The following PLS1 variants were observed in gnomAD, a reference collection of about 807,000 sequenced individuals.
PLS1 encodes the protein plastin 1, also known as plastin-1.
PLS1 carries 32 observed loss-of-function variants against 73.7 expected under a neutral mutation model. The observed-to-expected ratio is 0.43, with a 90% CI of 0.33 to 0.58. The LOEUF (loss-of-function observed/expected upper bound fraction) is 0.58, where lower values mean the gene tolerates loss of function less well. Among genes scored for constraint, PLS1 ranks in the 20% least tolerant of loss-of-function variants. The pLI is 0.04. For missense variants in PLS1, 633 were observed against 740.5 expected (o/e 0.85, Z 1.68); for synonymous variants, 217 against 261.3 (o/e 0.83, Z 1.63).
At chr3:142,697,026 A>G (rs2038224930) in intron 11 of PLS1, among the ~76,000 whole-genome samples, 1 of 152,138 alleles carries the variant, frequency 6.6e-6, no homozygotes, top group African/African-American at 2.4e-5. Flanking sequence ...CCTTAGCGAA[A>G]CATAACTTAT....
At chr3:142,661,436 G>A (rs1193211936) in intron 1 of PLS1, among the ~76,000 whole-genome samples, 4 of 152,018 alleles carry the variant, frequency 2.6e-5, no homozygotes, top group Non-Finnish European at 5.9e-5. Context: ...TTAGAACCAG[G>A]CCCCAGAAAA....
At chr3:142,620,075 C>T (rs895097795) in intron 1 of PLS1, among the ~76,000 whole-genome samples, 4 of 152,076 alleles carry the variant, frequency 2.6e-5, no homozygotes, top group Non-Finnish European at 5.9e-5. Flanking sequence ...TGCTGTCATT[C>T]TCAGGGGTCA....
chr3:142,680,973 A>G (rs985350396), intron 6 of PLS1, among the ~76,000 whole-genome samples: 1 of 152,164 alleles, frequency 6.6e-6, no homozygotes, highest in Non-Finnish European at 1.5e-5. Context: ...AGCTATTAAA[A>G]TTCAGCTACT....
Position 142,709,568 on chromosome 3 carries a change from C to T in PLS1, c.1630-1933C>T, listed in dbSNP as rs573762695. ...ACAGTGGCTCAGGCCTGTAATCCCA[C>T]CACGGTGGGAGGCCGAGGCGGGTGG... On this transcript the variant is annotated intron_variant, in intron 14 of 15. Transcript: ENST00000457734. Among the ~76,000 whole-genome samples, 25 of 152,232 alleles carry T rather than the reference C, an allele frequency of 1.6e-4. No individual in the cohort carries two copies. The South Asian group carries it at 5.2e-3, about 32-fold the overall frequency.
rs772376016 is a variant in PLS1 at position 142,711,913 on chromosome 3, A to G, written c.1796A>G (p.Tyr599Cys). ...SVARKIGARI[Y>C]ALPDDLVEVK... is the part of the protein sequence containing the mutation. ...GCTCGAAAGATCGGTGCCCGGATATATGCATTACCTGATGACCTCGTAGAA... is the reference window on the plus strand; with the variant it reads ...GCTCGAAAGATCGGTGCCCGGATATGTGCATTACCTGATGACCTCGTAGAA... Residue 599 changes from tyrosine to cysteine, a missense_variant, in exon 16 of 16, where the codon TAT becomes TGT. Transcript: ENST00000457734. 7.4e-6 allele frequency: 12 copies of G among 1,613,438 alleles called. No homozygotes were observed. The highest frequency in any genetic ancestry group is 1.3e-5 in the African/African-American group (1 of 74,912).
chr3:142,711,669 C>A, intron 15 of PLS1, 44 bp downstream of exon 15: 1 of 1,509,390 alleles, frequency 6.6e-7, no homozygotes, highest in Admixed American at 2.0e-5. Context: ...CCCTTTAATT[C>A]TCTAAAATCC....
At position 142,624,466 on chromosome 3, in the gene PLS1, ATG is replaced by A. The variant is rs534951675; in HGVS notation, c.-37+27958_-37+27959del. Among the ~76,000 whole-genome samples the A allele has an allele frequency of 7.9e-5, 12 of 152,344 alleles. No homozygotes were observed. The East Asian group carries it at 2.3e-3, about 29-fold the overall frequency. On this transcript the variant is annotated intron_variant, in intron 1 of 15. Transcript: ENST00000457734. The stretch of plus-strand genomic sequence containing the variant: ...AGTTCTTTTCTTAGTAAAGCAGAAA[ATG>A]AGCAGTTCCCACCCTGTGTAAAGCT...
At chr3:142,613,267 C>T (rs1577773870) in intron 1 of PLS1, among the ~76,000 whole-genome samples, 1 of 151,924 alleles carries the variant, frequency 6.6e-6, no homozygotes, top group African/African-American at 2.4e-5. Context: ...CACTTGTGGC[C>T]AGGAGTTGAA....
intron 1 of PLS1, among the ~76,000 whole-genome samples, chr3:142,651,420 C>T (rs1304747586): frequency 7.1e-6 from 1 of 140,566 alleles, no homozygotes; most frequent in Non-Finnish European, 1.5e-5. Flanking sequence ...CAAAATTGTG[C>T]CATTGCACTC....
At chr3:142,618,147 C>T (rs971508499) in intron 1 of PLS1, among the ~76,000 whole-genome samples, 2 of 152,136 alleles carry the variant, frequency 1.3e-5, no homozygotes, top group Non-Finnish European at 1.5e-5. Flanking sequence ...TCTTTTTAAG[C>T]TCCTACACTA....
In PLS1 at chr3:142,676,167, A is replaced by G; in HGVS notation, c.375A>G (p.Lys125=). 6.2e-7 allele frequency: 1 copy of G among 1,611,916 alleles called. No homozygotes were observed. The highest frequency in any genetic ancestry group is 8.5e-7 in the Non-Finnish European group (1 of 1,179,368). The change falls in exon 5 of 16, where the codon AAA becomes AAG. Residue 125 remains lysine (K), a synonymous_variant. Coordinates refer to ENST00000457734, the MANE Select transcript of PLS1 (RefSeq NM_001145319.2). ...GTQHSYSEEE[K]VAFVNWINKA... is the part of the protein sequence containing the mutation. ...GTTTTCTCCTTTCAGAGGAAGAAAA[A>G]GTGGCTTTTGTTAACTGGATAAACA... is the stretch of plus-strand genomic sequence containing the variant.
At chr3:142,669,060 T>A (rs958239370) in intron 2 of PLS1, among the ~76,000 whole-genome samples, 14 of 152,170 alleles carry the variant, frequency 9.2e-5, no homozygotes, top group African/African-American at 2.7e-4. Flanking sequence ...GTTTTCGTTT[T>A]TTAAGAGATG....
chr3:142,665,183 A>G (rs927925572), intron 2 of PLS1, among the ~76,000 whole-genome samples: 4 of 151,952 alleles, frequency 2.6e-5, no homozygotes, highest in Non-Finnish European at 2.9e-5. Context: ...TCTTGTGCTT[A>G]GATTTCTCAC....
chr3:142,636,053 TA>T (rs2036681883), intron 1 of PLS1, among the ~76,000 whole-genome samples: 2 of 124,254 alleles, frequency 1.6e-5, no homozygotes, highest in African/African-American at 5.6e-5. Context: ...TCACACCTGC[TA>T]ATTTTTTTTT....
intron 12 of PLS1, among the ~76,000 whole-genome samples, chr3:142,699,112 G>A (rs368213006): frequency 2.0e-5 from 3 of 152,132 alleles, no homozygotes; most frequent in African/African-American, 7.2e-5. Flanking sequence ...GGGTTGGGGG[G>A]CAAGGGGAGG....
In PLS1 at chr3:142,627,482, C is replaced by A. The variant is rs570880197; in HGVS notation, c.-37+30973C>A. On this transcript the variant is annotated intron_variant, in intron 1 of 15. Transcript: ENST00000457734. ...CAAGGCCCATCCAGTTTAAACTCTACCCTCTCAGGAAAATTTTTGTCAGAC... is the reference window on the plus strand; with the variant it reads ...CAAGGCCCATCCAGTTTAAACTCTAACCTCTCAGGAAAATTTTTGTCAGAC... Among the ~76,000 whole-genome samples, 161 of 152,268 alleles carry A rather than the reference C, an allele frequency of 1.1e-3. 1 individual carries two copies. Among genetic ancestry groups the A allele is most frequent in the African/African-American group, 3.7e-3 (153 of 41,560 alleles).
chr3:142,629,677 C>T (rs748829050), intron 1 of PLS1, among the ~76,000 whole-genome samples: 12 of 152,134 alleles, frequency 7.9e-5, no homozygotes, highest in Non-Finnish European at 1.3e-4. Context: ...ACCAGCCACA[C>T]GGTAAAAAAC....
At chr3:142,666,276 C>T (rs2037477888) in intron 2 of PLS1, among the ~76,000 whole-genome samples, 1 of 152,198 alleles carries the variant, frequency 6.6e-6, no homozygotes, top group African/African-American at 2.4e-5. Context: ...CCATCCCTTT[C>T]CCAAACTGAA....
chr3:142,710,256 G>C (rs1032946881), intron 14 of PLS1, among the ~76,000 whole-genome samples: 4 of 150,436 alleles, frequency 2.7e-5, no homozygotes, highest in Admixed American at 2.0e-4. Context: ...TCATAGGATA[G>C]TTGCTGCTTG....
Sources: allele counts gnomAD v4.1 joint callset (sites outside exome capture counted in the v4.1 genomes callset), GRCh38; gene constraint gnomAD v4.1.1; transcripts MANE v1.5; gene names NCBI Gene and HGNC (gene_info 2026-07-23, HGNC 2026-07-21).